ZBTB20: variants seen among roughly 807,000 people sequenced by gnomAD.
ZBTB20 encodes the protein zinc finger and BTB domain-containing protein 20.
Under a neutral mutation model 56.9 loss-of-function variants are expected in ZBTB20, and 9 were observed. The ratio of observed to expected loss-of-function variants is 0.16; its 90% CI spans 0.10 to 0.28. The LOEUF is 0.28. ZBTB20 is among the 10% of genes least tolerant of loss of function. The probability of loss-of-function intolerance (pLI) is 1.00; values close to 1 mark genes in which losing one functional copy is unlikely to be tolerated. For synonymous variants in ZBTB20, 417 were observed against 420.7 expected (o/e 0.99, Z 0.11); for missense variants, 655 against 1,003.0 (o/e 0.65, Z 4.69).
At chr3:114,826,759 C>T (rs2073549024) in intron 4 of ZBTB20, among the ~76,000 whole-genome samples, 1 of 151,520 alleles carries the variant, frequency 6.6e-6, no homozygotes, top group Non-Finnish European at 1.5e-5. Flanking sequence ...TACATGAAAG[C>T]AGAGATAGAA....
intron 3 of ZBTB20, among the ~76,000 whole-genome samples, chr3:114,929,068 A>G (rs1371731819): frequency 6.6e-6 from 1 of 152,246 alleles, no homozygotes; most frequent in East Asian, 1.9e-4. Flanking sequence ...AGGCATATAT[A>G]CATAAATAAT....
chr3:114,796,368 C>T (rs1048331598), intron 5 of ZBTB20, among the ~76,000 whole-genome samples: 1 of 151,860 alleles, frequency 6.6e-6, no homozygotes, highest in South Asian at 2.1e-4. Flanking sequence ...CGGTAGGTGA[C>T]AATTAACTAA....
At chr3:114,568,553 A>G (rs1476695755) in intron 6 of ZBTB20, among the ~76,000 whole-genome samples, 1 of 152,232 alleles carries the variant, frequency 6.6e-6, no homozygotes, top group Non-Finnish European at 1.5e-5. Context: ...AAAACCATTT[A>G]TAAAAATTCC....
intron 10 of ZBTB20, among the ~76,000 whole-genome samples, chr3:114,370,931 C>A (rs2082931175): frequency 6.6e-6 from 1 of 152,124 alleles, no homozygotes; most frequent in Admixed American, 6.5e-5. Context: ...AGCTGTCTAC[C>A]CTCATCCACA....
rs1553821499 is a variant in ZBTB20, at chr3:114,787,366, T to TACAC, written c.-343+13734_-343+13735insGTGT. Reference sequence around the variant, plus strand: ...ATATATATATATATATATATATATATATACACACACACACACACACACACA... The same window carrying TACAC: ...ATATATATATATATATATATATATATACACATACACACACACACACACACACACA... On this transcript the variant is annotated intron_variant, in intron 5 of 11. Transcript: ENST00000675478. 7.1e-4 allele frequency among the ~76,000 whole-genome samples: 59 copies of TACAC among 82,906 alleles called. 1 individual carries two copies. The highest frequency in any genetic ancestry group is 2.9e-3 in the African/African-American group (55 of 19,018). The allele number at this position is 82,906 out of a possible 152,430, so 54.4% of individuals were successfully genotyped here. A position where few individuals can be genotyped will look rare whatever the true frequency, so the allele number is the denominator to read the frequency against.
chr3:114,379,775 C>T (rs2084090216), intron 10 of ZBTB20, among the ~76,000 whole-genome samples: 1 of 152,172 alleles, frequency 6.6e-6, no homozygotes, highest in African/African-American at 2.4e-5. Context: ...TTCAGCCAAG[C>T]TACATGAGAC....
At chr3:114,940,518 T>G (rs1262526141) in intron 3 of ZBTB20, among the ~76,000 whole-genome samples, 4 of 145,836 alleles carry the variant, frequency 2.7e-5, no homozygotes, top group Non-Finnish European at 5.9e-5. Flanking sequence ...TAGACAAACG[T>G]GTTTTCCAGG....
At chr3:115,030,120 T>C (rs187483745) in intron 2 of ZBTB20, among the ~76,000 whole-genome samples, 285 of 151,278 alleles carry the variant, frequency 1.9e-3, no homozygotes, top group African/African-American at 6.6e-3. Flanking sequence ...TACATTATTA[T>C]AGGAACTTTG....
intron 1 of ZBTB20, among the ~76,000 whole-genome samples, chr3:115,122,020 C>T (rs1435177801): frequency 1.3e-5 from 2 of 151,898 alleles, no homozygotes; most frequent in East Asian, 1.9e-4. Context: ...TTCTGGACCT[C>T]GAAGGATTCT....
At chr3:114,367,194 A>C (rs1202210319) in intron 10 of ZBTB20, 1 of 152,214 alleles carries the variant, frequency 6.6e-6, no homozygotes, top group Non-Finnish European at 1.5e-5. Context: ...ACACAGGAAA[A>C]TGTACAGCTC....
chr3:114,558,200 T>C lies in ZBTB20; in HGVS notation c.-294-57809A>G, dbSNP rs111498815. The stretch of plus-strand genomic sequence containing the variant: ...ATTAAAAAGGGACAGAAGAAGACTT[T>C]AGGTCACCTGTGATCTTAGGCAGCT... On this transcript the variant is annotated intron_variant, in intron 6 of 11. Coordinates refer to ENST00000675478, the MANE Select transcript of ZBTB20 (RefSeq NM_001348800.3). Among the ~76,000 whole-genome samples the C allele has an allele frequency of 2.6e-3, 397 of 152,154 alleles. 5 individuals are homozygous for C. Among genetic ancestry groups the C allele is most frequent in the African/African-American group, 8.9e-3 (368 of 41,542 alleles).
intron 1 of ZBTB20, among the ~76,000 whole-genome samples, chr3:115,116,501 T>A (rs77414067): frequency 2.0e-5 from 3 of 152,054 alleles, no homozygotes; most frequent in Admixed American, 2.0e-4. Flanking sequence ...ATGAGTCTCA[T>A]ATAGCTTATC....
chr3:115,064,221 C>A (rs1448571947), intron 2 of ZBTB20, among the ~76,000 whole-genome samples: 1 of 152,106 alleles, frequency 6.6e-6, no homozygotes, highest in Admixed American at 6.6e-5. Context: ...TTTCTCACCT[C>A]ATTTTAATCA....
intron 6 of ZBTB20, among the ~76,000 whole-genome samples, chr3:114,603,816 T>A (rs1431713190): frequency 2.0e-5 from 3 of 151,968 alleles, no homozygotes; most frequent in Non-Finnish European, 4.4e-5. Flanking sequence ...CTTATAATTT[T>A]AAAAATGCAA....
intron 1 of ZBTB20, among the ~76,000 whole-genome samples, chr3:115,109,930 C>T (rs981305487): frequency 4.6e-5 from 7 of 152,150 alleles, no homozygotes; most frequent in East Asian, 3.8e-4. Flanking sequence ...AAACATTAGG[C>T]GGGGCACTGT....
intron 5 of ZBTB20, among the ~76,000 whole-genome samples, chr3:114,768,717 G>T (rs1428807563): frequency 6.6e-6 from 1 of 152,140 alleles, no homozygotes; most frequent in African/African-American, 2.4e-5. Context: ...TAGCTCATCT[G>T]ATGTGACTAT....
intron 1 of ZBTB20, among the ~76,000 whole-genome samples, chr3:115,071,883 A>T (rs1462860674): frequency 6.6e-6 from 1 of 152,176 alleles, no homozygotes; most frequent in Non-Finnish European, 1.5e-5. Context: ...ACACAAAGGG[A>T]TGAAAGAATT....
intron 2 of ZBTB20, among the ~76,000 whole-genome samples, chr3:115,058,845 T>C (rs549563114): frequency 2.8e-4 from 42 of 152,358 alleles, no homozygotes; most frequent in African/African-American, 9.4e-4. Flanking sequence ...TCTGAGGTTA[T>C]ATTTGTGTGT....
intron 6 of ZBTB20, among the ~76,000 whole-genome samples, chr3:114,639,143 A>G (rs1578107952): frequency 6.6e-6 from 1 of 152,136 alleles, no homozygotes; most frequent in Admixed American, 6.6e-5. Flanking sequence ...AAAAGACTAC[A>G]TAAGTTGGGA....
Sources: allele counts gnomAD v4.1 joint callset (sites outside exome capture counted in the v4.1 genomes callset), GRCh38; gene constraint gnomAD v4.1.1; transcripts MANE v1.5; gene names NCBI Gene and HGNC (gene_info 2026-07-23, HGNC 2026-07-21).